Variants in NFRKB observed in about 807,000 individuals in gnomAD.
NFRKB encodes the protein nuclear factor related to kappa-B-binding protein.
In NFRKB, 62 loss-of-function variants were observed where a neutral mutation model predicts 135.7. That is an observed-to-expected ratio of 0.46 (90% CI 0.37 to 0.56). The LOEUF is 0.56. Among genes scored for constraint, NFRKB ranks in the 20% least tolerant of loss-of-function variants. The pLI, the probability that NFRKB is intolerant of heterozygous loss-of-function variation, is 0.00. For synonymous variants in NFRKB, 678 were observed against 635.6 expected (o/e 1.07, Z -1.00); for missense variants, 1,545 against 1,662.0 (o/e 0.93, Z 1.22).
chr11:129,891,379 C>T (rs1038686640), intron 3 of NFRKB, among the ~76,000 whole-genome samples: 5 of 152,112 alleles, frequency 3.3e-5, no homozygotes, highest in Admixed American at 6.5e-5. Flanking sequence ...AGATAAAGAC[C>T]GCCAGAAAAA....
chr11:129,864,482 C>G lies in NFRKB; in HGVS notation c.*243G>C. Reference sequence around the variant, plus strand: ...TAACTGGTAATTCCTGCAATTTCAACAGAATATTCTCCTAGATTGGTAGAG... The same window carrying G: ...TAACTGGTAATTCCTGCAATTTCAAGAGAATATTCTCCTAGATTGGTAGAG... On this transcript the variant is annotated 3_prime_UTR_variant, in exon 27 of 27. Coordinates refer to ENST00000682444, the MANE Select transcript of NFRKB (RefSeq NM_001143835.2). 2 of 463,892 alleles carry G rather than the reference C, an allele frequency of 4.3e-6. No individual in the cohort carries two copies. Among genetic ancestry groups the G allele is most frequent in the Non-Finnish European group, 7.8e-6 (2 of 257,874 alleles). The allele number at this position is 463,892 out of a possible 1,614,324, so 28.7% of individuals were successfully genotyped here. A position where few individuals can be genotyped will look rare whatever the true frequency, so the allele number is the denominator to read the frequency against.
chr11:129,874,775 C>T lies in NFRKB; in HGVS notation c.1978+18G>A. ...GTATCCCCAGTCTGGTCGGACAGTG[C>T]CCAGAGGCCTCACACACCAAACTCT... is the stretch of plus-strand genomic sequence containing the variant. On this transcript the variant is annotated intron_variant, in intron 19 of 26. Transcript: ENST00000682444. The surrounding 1 kb of genome is among the most constrained non-coding windows in gnomAD (Gnocchi z 4.5). The T allele has an allele frequency of 6.2e-7, 1 of 1,614,110 alleles. No homozygotes were observed. The highest frequency in any genetic ancestry group is 8.5e-7 in the Non-Finnish European group (1 of 1,180,002).
intron 11 of NFRKB, 69 bp from the exon 12 acceptor site, chr11:129,881,922 C>A (rs898300654): frequency 1.9e-6 from 3 of 1,540,062 alleles, no homozygotes; most frequent in South Asian, 2.6e-5. Flanking sequence ...ACAAGTGCCA[C>A]CACAACCTGC....
chr11:129,874,638 G>C lies in NFRKB; in HGVS notation c.1979-58C>G. ...TTTAACCTTAGCAAACTAAAAAGAG[G>C]GGCTTTGTTAAAAACCAACACCTTG... is the stretch of plus-strand genomic sequence containing the variant. On this transcript the variant is annotated intron_variant, in intron 19 of 26. Transcript: ENST00000682444. The surrounding 1 kb of genome is among the most constrained non-coding windows in gnomAD (Gnocchi z 4.5). 1 of 1,606,690 alleles carries C rather than the reference G, an allele frequency of 6.2e-7. No individual in the cohort carries two copies.
Position 129,874,044 on chromosome 11 carries a change from A to C in NFRKB, c.2280-29T>G. 6.2e-7 allele frequency: 1 copy of C among 1,603,060 alleles called. No individual in the cohort carries two copies. The highest frequency in any genetic ancestry group is 8.5e-7 in the Non-Finnish European group (1 of 1,171,378). ...TGAAGAACATCGGGGAAAGACAAAAAACAAAAACTTAGGACATGCATACAA... is the reference window on the plus strand; with the variant it reads ...TGAAGAACATCGGGGAAAGACAAAACACAAAAACTTAGGACATGCATACAA... On this transcript the variant is annotated intron_variant, in intron 21 of 26. Transcript: ENST00000682444. This position sits in a 1 kb window ranked among gnomAD's most constrained non-coding sequence, Gnocchi z 4.5.
chr11:129,881,556 G>A, intron 12 of NFRKB, 48 bp from the exon 13 acceptor site: 1 of 1,610,148 alleles, frequency 6.2e-7, no homozygotes, highest in Non-Finnish European at 8.5e-7. Context: ...GCGTCCCTGA[G>A]CTCCGAAACA....
At chr11:129,879,535 T>C (rs1948930093) in intron 13 of NFRKB, among the ~76,000 whole-genome samples, 1 of 152,156 alleles carries the variant, frequency 6.6e-6, no homozygotes, top group South Asian at 2.1e-4. Flanking sequence ...AAATCTTTAG[T>C]CTTTATCTTA....
At position 129,874,434 on chromosome 11, in the gene NFRKB, G is replaced by A. The variant is rs184869537; in HGVS notation, c.2058+67C>T. On this transcript the variant is annotated intron_variant, in intron 20 of 26. Coordinates refer to ENST00000682444, the MANE Select transcript of NFRKB (RefSeq NM_001143835.2). This position sits in a 1 kb window ranked among gnomAD's most constrained non-coding sequence, Gnocchi z 4.5. ...TGATGCCCCACACCAAGTGAAAGCCGAGCAGCCACTCTTAGTTGCCTCCAT... is the reference window on the plus strand; with the variant it reads ...TGATGCCCCACACCAAGTGAAAGCCAAGCAGCCACTCTTAGTTGCCTCCAT... 307 of 1,565,194 alleles carry A rather than the reference G, an allele frequency of 2.0e-4. No individual in the cohort carries two copies. The highest frequency in any genetic ancestry group is 1.9e-3 in the African/African-American group (142 of 73,192).
At chr11:129,872,247 G>C (rs541424756) in intron 23 of NFRKB, among the ~76,000 whole-genome samples, 1 of 152,154 alleles carries the variant, frequency 6.6e-6, no homozygotes, top group South Asian at 2.1e-4. Context: ...CGAGGGCAAG[G>C]ACTTAGTCTG....
chr11:129,886,608 G>A (rs190768753), intron 4 of NFRKB, among the ~76,000 whole-genome samples, 164 bp from the exon 5 acceptor site: 126 of 152,254 alleles, frequency 8.3e-4, no homozygotes, highest in African/African-American at 2.6e-3. Context: ...AAGTAAAAGC[G>A]TGCTGAGAAG....
At chr11:129,882,301 G>A in intron 10 of NFRKB, 107 bp from the exon 11 acceptor site, 1 of 1,333,728 alleles carries the variant, frequency 7.5e-7, no homozygotes, top group South Asian at 1.4e-5. Context: ...CAAGAAAGGA[G>A]CAAACAATAT....
intron 13 of NFRKB, 21 bp from the exon 14 acceptor site, chr11:129,878,564 T>TA (rs765265427): frequency 6.3e-6 from 10 of 1,591,466 alleles, no homozygotes; most frequent in East Asian, 2.2e-5. Flanking sequence ...AATAAAGAGA[T>TA]AAAAAAATAA....
rs763626077 is a variant in NFRKB, at chr11:129,870,192, A to T, written c.2833T>A (p.Phe945Ile). Residue 945 changes from phenylalanine (F) to isoleucine (I), a missense_variant, in exon 24 of 27, where the codon TTC becomes ATC. Around this residue, in one of 3 missense-constraint regions of NFRKB, gnomAD observed 753 missense variants for 804.3 expected, o/e 0.94. Coordinates refer to ENST00000682444, the MANE Select transcript of NFRKB (RefSeq NM_001143835.2). ...GNSIPLTATN[F>I]RIQGKDVLRL... Reference sequence around the variant, plus strand: ...AATACATCCTTACCCTGGATGCGGAAGTTAGTGGCTGTGAGTGGAATGCTG... The same window carrying T: ...AATACATCCTTACCCTGGATGCGGATGTTAGTGGCTGTGAGTGGAATGCTG... 3 of 1,614,188 alleles carry T rather than the reference A, an allele frequency of 1.9e-6. No individual in the cohort carries two copies. Among genetic ancestry groups the T allele is most frequent in the Non-Finnish European group, 2.5e-6 (3 of 1,180,020 alleles).
At chr11:129,866,227 C>T (rs1455904771) in intron 24 of NFRKB, among the ~76,000 whole-genome samples, 2 of 152,098 alleles carry the variant, frequency 1.3e-5, no homozygotes, top group Non-Finnish European at 2.9e-5. Flanking sequence ...GCAGCAGCAA[C>T]CCATCTATCT....
chr11:129,884,802 G>C lies in NFRKB; in HGVS notation c.685C>G (p.Pro229Ala). 6.2e-7 allele frequency: 1 copy of C among 1,614,200 alleles called. No individual in the cohort carries two copies. Among genetic ancestry groups the C allele is most frequent in the Non-Finnish European group, 8.5e-7 (1 of 1,180,038 alleles). Residue 229 changes from proline to alanine, a missense_variant, in exon 7 of 27, where the codon CCT becomes GCT. Physicochemically the swap from Pro to Ala is conservative, Grantham distance 27 (BLOSUM62 -1). This residue lies in a region of NFRKB where 678 missense variants were observed against 646.7 expected (regional missense o/e 1.05). Transcript: ENST00000682444. ...GGCACCACCCGCAGGGGCACCGCAG[G>C]ACTAGGAGAACGTGCTGGAGAGCTC... ...LPSSPARSPS[P>A]AVPLRVVPTL...
intron 4 of NFRKB, among the ~76,000 whole-genome samples, chr11:129,888,134 G>A (rs1431549028): frequency 6.6e-6 from 1 of 152,190 alleles, no homozygotes; most frequent in Non-Finnish European, 1.5e-5. Flanking sequence ...TGATGATATG[G>A]GAAAGTGTCT....
At chr11:129,873,679 C>G in intron 22 of NFRKB, 66 bp downstream of exon 22, 2 of 1,576,048 alleles carry the variant, frequency 1.3e-6, no homozygotes, top group Non-Finnish European at 1.7e-6. Flanking sequence ...CACTGCCCAT[C>G]TGACTCATCA....
intron 24 of NFRKB, among the ~76,000 whole-genome samples, chr11:129,868,412 T>A (rs952880808): frequency 7.2e-5 from 11 of 152,194 alleles, no homozygotes; most frequent in South Asian, 6.2e-4. Flanking sequence ...AAGACAGGTA[T>A]GCGAGGTTAA....
intron 13 of NFRKB, among the ~76,000 whole-genome samples, chr11:129,880,916 A>G (rs1948997411): frequency 1.3e-5 from 2 of 152,224 alleles, no homozygotes; most frequent in Admixed American, 6.5e-5. Flanking sequence ...AGAAACCAAC[A>G]CTGGATTTCT....
Sources: allele counts gnomAD v4.1 joint callset (sites outside exome capture counted in the v4.1 genomes callset), GRCh38; gene constraint gnomAD v4.1.1; regional missense constraint gnomAD v4.1.1; non-coding constraint Gnocchi (gnomAD v3.1); transcripts MANE v1.5; gene names NCBI Gene and HGNC (gene_info 2026-07-23, HGNC 2026-07-21).